Variants in ANO2 observed in about 807,000 individuals in gnomAD.
ANO2 encodes the protein anoctamin 2, also known as anoctamin-2.
Under a neutral mutation model 124.2 loss-of-function variants are expected in ANO2, and 101 were observed. That is an observed-to-expected ratio of 0.81 (90% CI 0.69 to 0.96). The LOEUF (loss-of-function observed/expected upper bound fraction) is 0.96, where lower values mean the gene tolerates loss of function less well. Ranked by LOEUF, ANO2 falls within the 40% of genes least tolerant of loss-of-function variation. ANO2 has a pLI of 0.00. For missense variants in ANO2, 1,293 were observed against 1,274.5 expected (o/e 1.01, Z -0.22); for synonymous variants, 486 against 482.5 (o/e 1.01, Z -0.09).
intron 14 of ANO2, among the ~76,000 whole-genome samples, chr12:5,731,931 T>C (rs1367567251): frequency 6.6e-6 from 1 of 152,214 alleles, no homozygotes; most frequent in East Asian, 1.9e-4. Context: ...CCTTTGATTT[T>C]CCCATTGCAG....
intron 16 of ANO2, among the ~76,000 whole-genome samples, chr12:5,633,069 C>T (rs1945809357): frequency 6.6e-6 from 1 of 152,212 alleles, no homozygotes; most frequent in Non-Finnish European, 1.5e-5. Context: ...GGTGTTTCCT[C>T]CATGCGGTGG....
At chr12:5,901,955 G>A (rs1940242101) in intron 3 of ANO2, among the ~76,000 whole-genome samples, 2 of 152,218 alleles carry the variant, frequency 1.3e-5, no homozygotes, top group South Asian at 4.1e-4. Context: ...CCAACATACA[G>A]TTGCTCTGGA....
chr12:5,593,705 T>C (rs1200598149), intron 20 of ANO2, among the ~76,000 whole-genome samples: 5 of 152,192 alleles, frequency 3.3e-5, no homozygotes, highest in Admixed American at 3.3e-4. Flanking sequence ...TCTACATGCA[T>C]CAACTGACTC....
chr12:5,583,462 G>C lies in ANO2; in HGVS notation c.2234-4944C>G, dbSNP rs558849257. On this transcript the variant is annotated intron_variant, in intron 20 of 24. Transcript: ENST00000682330. The stretch of plus-strand genomic sequence containing the variant: ...AGGTCAGGAGATCGAGACCATCTTG[G>C]CTAACACGGTGAAACCCCGTCTCTA... 4.0e-3 allele frequency among the ~76,000 whole-genome samples: 602 copies of C among 151,848 alleles called. 3 individuals carry two copies. Among genetic ancestry groups the C allele is most frequent in the African/African-American group, 0.014 (564 of 41,398 alleles).
At chr12:5,805,877 T>C (rs1411119731) in intron 9 of ANO2, among the ~76,000 whole-genome samples, 175 bp downstream of exon 9, 1 of 152,040 alleles carries the variant, frequency 6.6e-6, no homozygotes, top group African/African-American at 2.4e-5. Context: ...CTAAATACAG[T>C]AGCAACCACC....
intron 14 of ANO2, among the ~76,000 whole-genome samples, chr12:5,710,687 T>C (rs1292215164): frequency 6.6e-6 from 1 of 152,174 alleles, no homozygotes; most frequent in African/African-American, 2.4e-5. Context: ...TAGGGCCACA[T>C]GAATCATTTG....
At chr12:5,914,017 T>C (rs1295089278) in intron 3 of ANO2, among the ~76,000 whole-genome samples, 2 of 151,930 alleles carry the variant, frequency 1.3e-5, no homozygotes, top group African/African-American at 2.4e-5. Context: ...CTCAGCAACA[T>C]GGTGAAACCC....
Position 5,774,300 on chromosome 12 carries a change from C to A in ANO2, c.1056-23330G>T, listed in dbSNP as rs577078393. On this transcript the variant is annotated intron_variant, in intron 10 of 24. Transcript: ENST00000682330. ...CAAAACCCCACGTCAACAACAACAA[C>A]AAAAAAATCCATAAAAATTAGCCAG... 3.2e-4 allele frequency among the ~76,000 whole-genome samples: 49 copies of A among 151,868 alleles called. No individual in the cohort carries two copies. In the South Asian group the frequency reaches 5.2e-3, roughly 16 times the overall value.
Position 5,565,613 on chromosome 12 carries a change from G to C in ANO2, c.2672C>G (p.Ser891Trp). ...GGACAGAATAAACCAGTACTGTTTC[G>C]AAAACTCATAAGGGTTCGGGGCCCA... ...PPWAPNPYEF[S>W]KQYWFILSAR... The change falls in exon 24 of 25, where the codon TCG (serine) becomes TGG (tryptophan). Residue 891 changes from serine (S) to tryptophan (W), a missense_variant. Transcript: ENST00000682330. 6.2e-7 allele frequency: 1 copy of C among 1,605,926 alleles called. No homozygotes were observed. The highest frequency in any genetic ancestry group is 8.5e-7 in the Non-Finnish European group (1 of 1,176,132).
intron 3 of ANO2, 83 bp from the exon 4 acceptor site, chr12:5,854,224 G>A (rs1417947275): frequency 7.9e-7 from 1 of 1,264,152 alleles, no homozygotes; most frequent in African/African-American, 1.5e-5. Context: ...TTCCACACAA[G>A]GAGCCCAACC....
chr12:5,886,281 G>A (rs1938898454), intron 3 of ANO2, among the ~76,000 whole-genome samples: 1 of 152,188 alleles, frequency 6.6e-6, no homozygotes, highest in Admixed American at 6.5e-5. Flanking sequence ...TACACACAAT[G>A]GAATACTATT....
chr12:5,784,531 C>T (rs529072465), intron 10 of ANO2, among the ~76,000 whole-genome samples: 1 of 152,288 alleles, frequency 6.6e-6, no homozygotes, highest in East Asian at 1.9e-4. Context: ...CTGGAGGGGC[C>T]AAGCCAGGCA....
intron 3 of ANO2, among the ~76,000 whole-genome samples, chr12:5,891,298 T>C (rs1231590621): frequency 2.0e-5 from 3 of 152,128 alleles, no homozygotes; most frequent in Non-Finnish European, 4.4e-5. Flanking sequence ...TTCTTTCACA[T>C]GCTAGACCAC....
At chr12:5,773,399 C>G (rs2137123419) in intron 10 of ANO2, among the ~76,000 whole-genome samples, 1 of 152,286 alleles carries the variant, frequency 6.6e-6, no homozygotes, top group Non-Finnish European at 1.5e-5. Context: ...TTGGGGAACT[C>G]AGCCTAAGGG....
chr12:5,765,998 T>C lies in ANO2; in HGVS notation c.1056-15028A>G, dbSNP rs1019676465. Among the ~76,000 whole-genome samples, 3 of 152,260 alleles carry C rather than the reference T, an allele frequency of 2.0e-5. No homozygotes were observed. In the South Asian group the frequency reaches 6.2e-4, roughly 32 times the overall value. ...CAGGGAAATACAAATTAAACCATAA[T>C]GCAGTATCTCTACACACCCATCAAA... On this transcript the variant is annotated intron_variant, in intron 10 of 24. Coordinates refer to ENST00000682330, the MANE Select transcript of ANO2 (RefSeq NM_001364791.2).
chr12:5,844,839 GTGTTTGTTTGTTTGTTTGTT>G (rs6144597), intron 4 of ANO2, among the ~76,000 whole-genome samples: 1 of 150,866 alleles, frequency 6.6e-6, no homozygotes, highest in African/African-American at 2.4e-5. Context: ...CAGTTTTTGT[GTGTTTGTTTGTTTGTTTGTT>G]TGTTTGTTTG....
chr12:5,669,678 T>A (rs1236654691), intron 14 of ANO2, among the ~76,000 whole-genome samples: 18 of 152,196 alleles, frequency 1.2e-4, no homozygotes, highest in Non-Finnish European at 4.4e-5. Flanking sequence ...GGGTTTGTCA[T>A]AAATGGCTGG....
Position 5,901,194 on chromosome 12 carries a change from T to G in ANO2, c.534+19846A>C, listed in dbSNP as rs1241279504. 3.3e-5 allele frequency among the ~76,000 whole-genome samples: 5 copies of G among 152,174 alleles called. No individual in the cohort carries two copies. The East Asian group carries it at 9.6e-4, about 29-fold the overall frequency. On this transcript the variant is annotated intron_variant, in intron 3 of 24. Transcript: ENST00000682330. ...AACCTGGAAAAATGCGGCCTTTGCATCTGGGGATAAATAATCAGAAACACA... is the reference window on the plus strand; with the variant it reads ...AACCTGGAAAAATGCGGCCTTTGCAGCTGGGGATAAATAATCAGAAACACA...
chr12:5,923,329 T>C (rs556652710), intron 1 of ANO2, among the ~76,000 whole-genome samples: 1 of 151,688 alleles, frequency 6.6e-6, no homozygotes, highest in Non-Finnish European at 1.5e-5. Context: ...GGATCATGGC[T>C]GTCATAATCT....
Sources: gnomAD v4.1 joint callset for allele counts (sites outside exome capture counted in the v4.1 genomes callset) on GRCh38, gnomAD v4.1.1 for gene constraint, MANE v1.5 for transcripts, NCBI Gene and HGNC (gene_info 2026-07-23, HGNC 2026-07-21) for gene names.